The following CSMD1 variants were observed in gnomAD, a reference collection of about 807,000 sequenced individuals.
CSMD1 encodes CUB and sushi domain-containing protein 1.
In CSMD1, 213 loss-of-function variants were observed where a neutral mutation model predicts 417.5. That is an observed-to-expected ratio of 0.51 (90% CI 0.46 to 0.57). The LOEUF is 0.57. Ranked by LOEUF, CSMD1 falls within the 20% of genes least tolerant of loss-of-function variation. The probability of loss-of-function intolerance (pLI) is 0.00; values close to 1 mark genes in which losing one functional copy is unlikely to be tolerated. For missense variants in CSMD1, 6,923 were observed against 4,529.7 expected (o/e 1.53, Z -15.17); for synonymous variants, 2,862 against 1,736.8 (o/e 1.65, Z -16.11).
At chr8:3,490,629 C>T (rs141354561) in intron 11 of CSMD1, among the ~76,000 whole-genome samples, 1 of 151,948 alleles carries the variant, frequency 6.6e-6, no homozygotes, top group African/African-American at 2.4e-5. Flanking sequence ...ATTTTATAGC[C>T]AGGAAAAGAC....
chr8:3,493,748 G>A (rs770108148), intron 10 of CSMD1, 22 bp from the exon 11 acceptor site: 1 of 1,580,204 alleles, frequency 6.3e-7, no homozygotes. Context: ...GTACGAAACA[G>A]TGACTTAGAA....
chr8:4,945,680 G>C (rs1182687057), intron 1 of CSMD1, among the ~76,000 whole-genome samples: 2 of 152,096 alleles, frequency 1.3e-5, no homozygotes, highest in Non-Finnish European at 2.9e-5. Context: ...TTTTTCAAGA[G>C]AACTTGGCAT....
chr8:3,055,105 G>A (rs1812127914), intron 49 of CSMD1, among the ~76,000 whole-genome samples: 2 of 152,202 alleles, frequency 1.3e-5, no homozygotes, highest in Non-Finnish European at 2.9e-5. Context: ...TTTGGGCAGA[G>A]CAGGGAAAGA....
At chr8:4,750,548 A>T (rs1811249096) in intron 1 of CSMD1, among the ~76,000 whole-genome samples, 1 of 152,158 alleles carries the variant, frequency 6.6e-6, no homozygotes, top group African/African-American at 2.4e-5. Context: ...AAATTTTATC[A>T]GCATAGGTCA....
At chr8:3,503,844 A>AC (rs1311949397) in intron 10 of CSMD1, among the ~76,000 whole-genome samples, 1 of 113,264 alleles carries the variant, frequency 8.8e-6, no homozygotes, top group Non-Finnish European at 1.9e-5. Flanking sequence ...CCCCCCCCCA[A>AC]CCCCCACACT....
intron 12 of CSMD1, among the ~76,000 whole-genome samples, chr8:3,419,009 C>T (rs989538414): frequency 4.6e-5 from 7 of 152,162 alleles, no homozygotes; most frequent in African/African-American, 1.7e-4. Flanking sequence ...TATAGTGTTC[C>T]TTTCACTTAC....
intron 3 of CSMD1, among the ~76,000 whole-genome samples, chr8:4,150,247 C>A (rs977521533): frequency 6.6e-6 from 1 of 152,184 alleles, no homozygotes; most frequent in African/African-American, 2.4e-5. Flanking sequence ...TCATGCACCT[C>A]CCTCCAGCCT....
intron 3 of CSMD1, among the ~76,000 whole-genome samples, chr8:4,236,372 G>C (rs547150421): frequency 6.6e-6 from 1 of 152,122 alleles, no homozygotes; most frequent in African/African-American, 2.4e-5. Context: ...CCCACTCGGA[G>C]AAAGGGGTGA....
At chr8:2,950,726 T>G (rs1041343252) in intron 66 of CSMD1, among the ~76,000 whole-genome samples, 4 of 152,166 alleles carry the variant, frequency 2.6e-5, no homozygotes, top group Admixed American at 2.0e-4. Flanking sequence ...CTTAAAATAG[T>G]GTTTGCCATA....
chr8:3,661,097 G>C (rs899040262), intron 7 of CSMD1, among the ~76,000 whole-genome samples: 12 of 152,148 alleles, frequency 7.9e-5, no homozygotes, highest in African/African-American at 2.7e-4. Context: ...ATACAGCCGG[G>C]TTCCATCTGT....
intron 5 of CSMD1, among the ~76,000 whole-genome samples, chr8:3,879,584 T>C (rs572895950): frequency 5.3e-5 from 8 of 152,306 alleles, no homozygotes; most frequent in African/African-American, 1.4e-4. Flanking sequence ...AACAATCACA[T>C]AGCTATCAGA....
chr8:3,394,279 A>T (rs774084248), intron 17 of CSMD1, among the ~76,000 whole-genome samples: 1 of 147,414 alleles, frequency 6.8e-6, no homozygotes, highest in Non-Finnish European at 1.5e-5. Flanking sequence ...TCCATATTTT[A>T]TAATAATAAA....
intron 1 of CSMD1, among the ~76,000 whole-genome samples, chr8:4,706,560 T>C (rs1423963514): frequency 6.6e-6 from 1 of 152,226 alleles, no homozygotes; most frequent in Non-Finnish European, 1.5e-5. Context: ...CGGCATCATT[T>C]AAGTCAACTT....
chr8:4,111,073 T>G (rs1801828526), intron 3 of CSMD1, among the ~76,000 whole-genome samples: 1 of 152,206 alleles, frequency 6.6e-6, no homozygotes, highest in Non-Finnish European at 1.5e-5. Context: ...TGGAAAAATC[T>G]GGTAGAAATC....
At chr8:3,977,951 G>A (rs1007191392) in intron 5 of CSMD1, among the ~76,000 whole-genome samples, 3 of 152,098 alleles carry the variant, frequency 2.0e-5, no homozygotes, top group African/African-American at 4.8e-5. Context: ...TCATGTGCAC[G>A]GCTGCCTTTT....
intron 12 of CSMD1, among the ~76,000 whole-genome samples, chr8:3,452,899 C>T (rs1045089253): frequency 6.6e-6 from 1 of 152,164 alleles, no homozygotes; most frequent in Non-Finnish European, 1.5e-5. Flanking sequence ...ATGGTACCAG[C>T]TCCTCCTTGT....
At chr8:3,142,141 C>T (rs182065365) in intron 41 of CSMD1, among the ~76,000 whole-genome samples, 7 of 152,256 alleles carry the variant, frequency 4.6e-5, no homozygotes, top group Non-Finnish European at 8.8e-5. Flanking sequence ...GCTGGGGAGA[C>T]TGAATTGAGT....
At chr8:3,303,653 A>G (rs1299548766) in intron 25 of CSMD1, among the ~76,000 whole-genome samples, 1 of 152,252 alleles carries the variant, frequency 6.6e-6, no homozygotes, top group African/African-American at 2.4e-5. Flanking sequence ...AACAGTGTAC[A>G]CATATGGTTA....
At chr8:3,910,383 G>C (rs1025756649) in intron 5 of CSMD1, among the ~76,000 whole-genome samples, 6 of 152,176 alleles carry the variant, frequency 3.9e-5, no homozygotes, top group Admixed American at 6.5e-5. Context: ...ACCAGGAAGA[G>C]ACTCTGAAGA....
Sources: gnomAD v4.1 joint callset for allele counts (sites outside exome capture counted in the v4.1 genomes callset) on GRCh38, gnomAD v4.1.1 for gene constraint, MANE v1.5 for transcripts, NCBI Gene and HGNC (gene_info 2026-07-23, HGNC 2026-07-21) for gene names.